SLC4A7: variants seen among roughly 807,000 people sequenced by gnomAD.
The protein encoded by SLC4A7 is sodium bicarbonate cotransporter 3.
SLC4A7 carries 51 observed loss-of-function variants against 137.6 expected under a neutral mutation model. The observed-to-expected ratio is 0.37, with a 90% CI of 0.30 to 0.47. The LOEUF is 0.47. SLC4A7 is among the 20% of genes least tolerant of loss of function. The pLI is 1.00. For synonymous variants in SLC4A7, 542 were observed against 518.6 expected (o/e 1.05, Z -0.61); for missense variants, 1,247 against 1,525.4 (o/e 0.82, Z 3.04).
chr3:27,384,305 G>A (rs2050721597), intron 23 of SLC4A7, among the ~76,000 whole-genome samples: 1 of 152,142 alleles, frequency 6.6e-6, no homozygotes, highest in Non-Finnish European at 1.5e-5. Flanking sequence ...TTGACAATAT[G>A]GTGAAGCTAT....
intron 22 of SLC4A7, 44 bp downstream of exon 22, chr3:27,389,887 A>G (rs774789488): frequency 1.0e-5 from 14 of 1,394,906 alleles, no homozygotes; most frequent in Non-Finnish European, 1.4e-5. Flanking sequence ...ATTACTGTAA[A>G]CATATTATTA....
chr3:27,390,563 C>T (rs2051435760), intron 21 of SLC4A7, among the ~76,000 whole-genome samples: 1 of 152,150 alleles, frequency 6.6e-6, no homozygotes, highest in East Asian at 1.9e-4. Context: ...CAAATGCCTT[C>T]ATCTTTTTGA....
intron 24 of SLC4A7, among the ~76,000 whole-genome samples, chr3:27,382,705 C>T (rs2050548188): frequency 6.6e-6 from 1 of 152,066 alleles, no homozygotes; most frequent in Non-Finnish European, 1.5e-5. Flanking sequence ...TATTGGAAGG[C>T]TATCAGAAAA....
At chr3:27,420,369 A>G (rs1168907824) in intron 10 of SLC4A7, among the ~76,000 whole-genome samples, 2 of 151,818 alleles carry the variant, frequency 1.3e-5, no homozygotes, top group Non-Finnish European at 2.9e-5. Context: ...AATTTACAGG[A>G]AAAAAAATGT....
intron 22 of SLC4A7, among the ~76,000 whole-genome samples, chr3:27,387,960 C>CT (rs201395402): frequency 4.7e-3 from 723 of 152,222 alleles, no homozygotes; most frequent in African/African-American, 0.016. Flanking sequence ...ATTATAAAGC[C>CT]TTTTTCTTTA....
chr3:27,378,247 G>A (rs1256181040), intron 25 of SLC4A7, among the ~76,000 whole-genome samples: 1 of 152,160 alleles, frequency 6.6e-6, no homozygotes, highest in Admixed American at 6.6e-5. Flanking sequence ...AGAGGGTAGT[G>A]AAAGAATGAG....
chr3:27,374,188 C>G lies in SLC4A7; in HGVS notation c.*2576G>C, dbSNP rs1009316073. ...AAACAGATATCTATAAATAAATAAA[C>G]TAGGGTGGAGAAAAGAATATCCTGA... is the stretch of plus-strand genomic sequence containing the variant. On this transcript the variant is annotated 3_prime_UTR_variant, in exon 26 of 26. Coordinates refer to ENST00000454389, the MANE Select transcript of SLC4A7 (RefSeq NM_001321103.2). 1.3e-5 allele frequency: 2 copies of G among 152,404 alleles called. No homozygotes were observed. The highest frequency in any genetic ancestry group is 2.1e-4 in the South Asian group (1 of 4,822). 9.4% of individuals were successfully genotyped at this position (152,404 alleles called of 1,614,324 possible).
intron 14 of SLC4A7, among the ~76,000 whole-genome samples, chr3:27,404,424 A>G (rs1302839318): frequency 6.6e-5 from 10 of 152,214 alleles, no homozygotes. Flanking sequence ...TGCTGAATTC[A>G]AAGTCTAACA....
intron 2 of SLC4A7, among the ~76,000 whole-genome samples, chr3:27,452,092 T>C (rs2058109839): frequency 6.6e-6 from 1 of 152,148 alleles, no homozygotes; most frequent in African/African-American, 2.4e-5. Context: ...TGTGGTTTAT[T>C]AGTCTGGCAC....
chr3:27,474,835 T>A (rs1450196834), intron 1 of SLC4A7, among the ~76,000 whole-genome samples: 1 of 152,040 alleles, frequency 6.6e-6, no homozygotes. Context: ...AACAAACCAG[T>A]ATCAGGCCAG....
At chr3:27,376,872 A>G (rs1185995089) in intron 25 of SLC4A7, 27 bp from the exon 26 acceptor site, 2 of 1,162,672 alleles carry the variant, frequency 1.7e-6, no homozygotes, top group East Asian at 2.8e-5. Flanking sequence ...ATTAAAATAA[A>G]TAATTTTAAA....
At chr3:27,435,153 T>C (rs1294476188) in intron 5 of SLC4A7, among the ~76,000 whole-genome samples, 1 of 152,244 alleles carries the variant, frequency 6.6e-6, no homozygotes, top group Admixed American at 6.5e-5. Flanking sequence ...CATGGTTCTC[T>C]TGAAGATTAA....
intron 14 of SLC4A7, among the ~76,000 whole-genome samples, chr3:27,404,200 T>C (rs1485486340): frequency 1.3e-5 from 2 of 152,174 alleles, no homozygotes; most frequent in African/African-American, 4.8e-5. Context: ...AAACTCCATC[T>C]CTACTGAAAA....
intron 22 of SLC4A7, among the ~76,000 whole-genome samples, chr3:27,388,509 G>T (rs949456879): frequency 6.6e-6 from 1 of 152,004 alleles, no homozygotes; most frequent in African/African-American, 2.4e-5. Flanking sequence ...CACTTTTCCA[G>T]TTTCTTCTAT....
rs566807624 is a variant in SLC4A7 at position 27,383,024 on chromosome 3, T to A, written c.3590+129A>T. The A allele has an allele frequency of 5.1e-5, 32 of 632,658 alleles. No homozygotes were observed. The African/African-American group carries it at 5.4e-4, about 11-fold the overall frequency. 39.2% of individuals were successfully genotyped at this position (632,658 alleles called of 1,614,324 possible). A position where few individuals can be genotyped will look rare whatever the true frequency, so the allele number is the denominator to read the frequency against. ...CAAATTGTGTGAAGCCCTCCTTTAG[T>A]TGATACACCATATGCAGATTGTATC... On this transcript the variant is annotated intron_variant, in intron 24 of 25. Transcript: ENST00000454389.
chr3:27,443,432 A>T (rs1254548101), intron 3 of SLC4A7, among the ~76,000 whole-genome samples: 1 of 151,830 alleles, frequency 6.6e-6, no homozygotes, highest in Non-Finnish European at 1.5e-5. Context: ...CTTTAGAGTT[A>T]TCAATTTTAA....
chr3:27,411,992 A>G (rs1256248407), intron 11 of SLC4A7, among the ~76,000 whole-genome samples: 35 of 152,176 alleles, frequency 2.3e-4, no homozygotes, highest in Non-Finnish European at 2.9e-5. Context: ...TGTTCTAATT[A>G]TCAATATACT....
rs899757537 is a variant in SLC4A7, at chr3:27,397,882, G to A, written c.2590-85C>T. 3.8e-6 allele frequency: 3 copies of A among 780,798 alleles called. No homozygotes were observed. The African/African-American group carries it at 5.3e-5, about 14-fold the overall frequency. The allele number at this position is 780,798 out of a possible 1,614,324, so 48.4% of individuals were successfully genotyped here. On this transcript the variant is annotated intron_variant, in intron 17 of 25. Coordinates refer to ENST00000454389, the MANE Select transcript of SLC4A7 (RefSeq NM_001321103.2). Reference sequence around the variant, plus strand: ...ATTCACATCTTTTATTGATAAAATTGTCACTACAACGTACAAATGGAGCTT... The same window carrying A: ...ATTCACATCTTTTATTGATAAAATTATCACTACAACGTACAAATGGAGCTT...
At chr3:27,479,827 G>C (rs2059634850) in intron 1 of SLC4A7, among the ~76,000 whole-genome samples, 1 of 152,182 alleles carries the variant, frequency 6.6e-6, no homozygotes. Flanking sequence ...AAGCTATACT[G>C]ATCTGTAACT....
Sources: gnomAD v4.1 joint callset for allele counts (sites outside exome capture counted in the v4.1 genomes callset) on GRCh38, gnomAD v4.1.1 for gene constraint, MANE v1.5 for transcripts, NCBI Gene and HGNC (gene_info 2026-07-23, HGNC 2026-07-21) for gene names.